Variants in SEPTIN14 observed in about 807,000 individuals in gnomAD.
The protein encoded by SEPTIN14 is septin-14.
Under a neutral mutation model 53.6 loss-of-function variants are expected in SEPTIN14, and 40 were observed. The observed-to-expected ratio is 0.75, with a 90% CI of 0.58 to 0.97. The LOEUF is 0.97. Among genes scored for constraint, SEPTIN14 ranks in the 50% least tolerant of loss-of-function variants. The pLI is 0.00. For missense variants in SEPTIN14, 471 were observed against 508.2 expected, an observed-to-expected ratio of 0.93 and a Z score of 0.70; for synonymous variants, 138 against 166.8, an observed-to-expected ratio of 0.83 and a Z score of 1.33.
intron 9 of SEPTIN14, among the ~76,000 whole-genome samples, chr7:55,802,031 GCT>G (rs80011232): frequency 0.18 from 26,069 of 147,326 alleles, 3,099 homozygotes; most frequent in East Asian, 0.43. Context: ...ACGGAGTCTT[GCT>G]CTGTCTCCAA....
chr7:55,855,936 A>T (rs113159942), intron 2 of SEPTIN14, among the ~76,000 whole-genome samples: 6,251 of 152,224 alleles, frequency 0.041, 156 homozygotes, highest in South Asian at 0.06. Flanking sequence ...TAGAGAATAC[A>T]AGGTATATTA....
chr7:55,802,116 T>G (rs1788530214), intron 9 of SEPTIN14, among the ~76,000 whole-genome samples: 2 of 151,640 alleles, frequency 1.3e-5, no homozygotes, highest in Non-Finnish European at 2.9e-5. Flanking sequence ...GCGATTCTCC[T>G]GCCTCAGCCT....
intron 6 of SEPTIN14, among the ~76,000 whole-genome samples, chr7:55,830,349 A>ATATATATATTTTTTTTTTTTTTTTTTTT (rs71015108): frequency 1.8e-5 from 1 of 56,848 alleles, no homozygotes; most frequent in African/African-American, 1.0e-4. Flanking sequence ...ATATATATAT[A>ATATATATATTTTTTTTTTTTTTTTTTTT]TTTTTTTTTT....
chr7:55,840,489 C>T (rs1204643128), intron 5 of SEPTIN14, among the ~76,000 whole-genome samples: 1 of 150,572 alleles, frequency 6.6e-6, no homozygotes, highest in Non-Finnish European at 1.5e-5. Flanking sequence ...AACTCCGTCT[C>T]GAAAAAAAAA....
At chr7:55,812,954 CTT>C (rs554878767) in intron 7 of SEPTIN14, among the ~76,000 whole-genome samples, 106 of 140,302 alleles carry the variant, frequency 7.6e-4, no homozygotes, top group African/African-American at 1.7e-3. Context: ...CGACAGGAGC[CTT>C]TTTTTTTTTT....
intron 5 of SEPTIN14, among the ~76,000 whole-genome samples, chr7:55,840,361 C>T (rs545881274): frequency 2.7e-5 from 4 of 148,514 alleles, no homozygotes; most frequent in Non-Finnish European, 4.5e-5. Flanking sequence ...TGGTGGTGGG[C>T]GCCTGTAATC....
At chr7:55,823,639 TGTCACTGGCTGGAG>T (rs1457717813) in intron 6 of SEPTIN14, among the ~76,000 whole-genome samples, 1 of 151,842 alleles carries the variant, frequency 6.6e-6, no homozygotes, top group Non-Finnish European at 1.5e-5. Context: ...CAGGTGGGGG[TGTCACTGGCTGGAG>T]GTCCCTGGCT....
At chr7:55,836,434 G>T (rs1467381534) in intron 5 of SEPTIN14, among the ~76,000 whole-genome samples, 1 of 152,000 alleles carries the variant, frequency 6.6e-6, no homozygotes, top group Non-Finnish European at 1.5e-5. Flanking sequence ...CTCAAAACAC[G>T]TTTTTTAAAA....
intron 9 of SEPTIN14, chr7:55,798,884 C>T (rs1788478462): frequency 1.9e-5 from 3 of 154,416 alleles, no homozygotes; most frequent in Admixed American, 6.5e-5. Context: ...GGGCGGATCA[C>T]CTGAGGTCAG....
rs117991197 is a variant in SEPTIN14 at position 55,850,166 on chromosome 7, T to A, written c.55-3529A>T. Among the ~76,000 whole-genome samples the A allele has an allele frequency of 1.4e-3, 211 of 152,194 alleles. 2 individuals carry two copies. The highest frequency in any genetic ancestry group is 0.01 in the Middle Eastern group (3 of 294). On this transcript the variant is annotated intron_variant, in intron 2 of 9. Coordinates refer to ENST00000388975, the MANE Select transcript of SEPTIN14 (RefSeq NM_207366.3). ...CCAATGTATTTTATGAAACCAGATA[T>A]AATGGCAATATAAACACCTGACAGG...
At chr7:55,833,790 T>C (rs1416690731) in intron 6 of SEPTIN14, among the ~76,000 whole-genome samples, 1 of 152,016 alleles carries the variant, frequency 6.6e-6, no homozygotes, top group African/African-American at 2.4e-5. Flanking sequence ...AGCCCTTACT[T>C]AGACTAAGAA....
At chr7:55,834,160 G>A (rs7779394) in intron 6 of SEPTIN14, among the ~76,000 whole-genome samples, 30,491 of 151,878 alleles carry the variant, frequency 0.2, 4,044 homozygotes, top group East Asian at 0.43. Flanking sequence ...TGAAAAAATA[G>A]AAAAAAGAGG....
intron 2 of SEPTIN14, among the ~76,000 whole-genome samples, chr7:55,849,872 C>T (rs1158760613): frequency 1.3e-5 from 2 of 152,120 alleles, no homozygotes; most frequent in African/African-American, 4.8e-5. Context: ...TTGATGAACA[C>T]ATTTTGCCAA....
At position 55,802,620 on chromosome 7, in the gene SEPTIN14, G is replaced by A. The variant is rs192285965; in HGVS notation, c.1119+2638C>T. ...CTCAAAATGGATGAAAGACTTAACC[G>A]CTATAAGATCTAAAGCTGTACAACT... On this transcript the variant is annotated intron_variant, in intron 9 of 9. Coordinates refer to ENST00000388975, the MANE Select transcript of SEPTIN14 (RefSeq NM_207366.3). Among the ~76,000 whole-genome samples, 235 of 152,164 alleles carry A rather than the reference G, an allele frequency of 1.5e-3. 1 individual carries two copies. Among genetic ancestry groups the A allele is most frequent in the African/African-American group, 4.3e-3 (177 of 41,532 alleles).
At chr7:55,815,041 G>A (rs1788769431) in intron 7 of SEPTIN14, among the ~76,000 whole-genome samples, 1 of 152,138 alleles carries the variant, frequency 6.6e-6, no homozygotes. Flanking sequence ...ATACATTGGG[G>A]AAAGGATAAG....
chr7:55,837,006 ATGTTT>A (rs1789219573), intron 5 of SEPTIN14, among the ~76,000 whole-genome samples: 1 of 152,004 alleles, frequency 6.6e-6, no homozygotes, highest in African/African-American at 2.4e-5. Flanking sequence ...TGAAGACAGC[ATGTTT>A]TGTTAGGGCT....
At chr7:55,810,820 GA>G (rs1322581673) in intron 7 of SEPTIN14, 6 of 288,090 alleles carry the variant, frequency 2.1e-5, no homozygotes, top group African/African-American at 1.3e-4. Context: ...GGAGTGCACA[GA>G]CCAGGGATCA....
intron 2 of SEPTIN14, among the ~76,000 whole-genome samples, chr7:55,857,778 G>A (rs1488941007): frequency 8.6e-5 from 13 of 151,054 alleles, no homozygotes; most frequent in African/African-American, 3.2e-4. Flanking sequence ...TAGTAGAGAC[G>A]GGGTTTCACC....
intron 2 of SEPTIN14, among the ~76,000 whole-genome samples, chr7:55,851,580 G>A (rs1335266991): frequency 6.6e-6 from 1 of 151,644 alleles, no homozygotes; most frequent in Non-Finnish European, 1.5e-5. Context: ...AATTGAAAAG[G>A]ACACAAAAAA....
Sources: gnomAD v4.1 joint callset for allele counts (sites outside exome capture counted in the v4.1 genomes callset) on GRCh38, gnomAD v4.1.1 for gene constraint, MANE v1.5 for transcripts, NCBI Gene and HGNC (gene_info 2026-07-23, HGNC 2026-07-21) for gene names.